The following XXYLT1 variants were observed in gnomAD, a reference collection of about 807,000 sequenced individuals.
XXYLT1 encodes the protein xyloside xylosyltransferase 1, also known as UDP-xylose:alpha-xyloside alpha-1,3-xylosyltransferase.
Under a neutral mutation model 28.9 loss-of-function variants are expected in XXYLT1, and 20 were observed. The observed-to-expected ratio is 0.69, with a 90% CI of 0.49 to 1.00. The LOEUF is 1.00. Ranked by LOEUF, XXYLT1 falls within the 50% of genes least tolerant of loss-of-function variation. The pLI is 0.00. For synonymous variants in XXYLT1, 257 were observed against 253.8 expected (o/e 1.01, Z -0.12); for missense variants, 542 against 560.1 (o/e 0.97, Z 0.33).
chr3:195,259,055 C>T (rs1725582724), intron 1 of XXYLT1, among the ~76,000 whole-genome samples: 1 of 152,250 alleles, frequency 6.6e-6, no homozygotes. Context: ...GTTGACCAAG[C>T]ACCTGCCATG....
At chr3:195,088,255 G>T (rs543857278) in intron 3 of XXYLT1, among the ~76,000 whole-genome samples, 151 of 150,102 alleles carry the variant, frequency 1.0e-3, no homozygotes, top group African/African-American at 1.4e-3. Flanking sequence ...CAAAAAGACA[G>T]CAGTAACCTC....
rs774797156 is a variant in XXYLT1 at position 195,270,936 on chromosome 3, G to A, written c.123C>T (p.Leu41=). 26 of 1,488,814 alleles carry A rather than the reference G, an allele frequency of 1.7e-5. No homozygotes were observed. In the African/African-American group the frequency reaches 1.9e-4, roughly 11 times the overall value. The allele number at this position is 1,488,814 out of a possible 1,614,324, so 92.2% of individuals were successfully genotyped here. ...AALAVCAFYY[L]GSGRETFSSA... is the part of the protein sequence containing the mutation. ...TGGAGAAGGTCTCCCGGCCTGAGCC[G>A]AGGTAGTAGAAGGCGCAGACGGCCA... Residue 41 remains leucine, a synonymous_variant, in exon 1 of 4, where the codon CTC becomes CTT. Transcript: ENST00000310380.
At chr3:195,249,984 C>A (rs917700802) in intron 1 of XXYLT1, among the ~76,000 whole-genome samples, 1 of 152,192 alleles carries the variant, frequency 6.6e-6, no homozygotes, top group Non-Finnish European at 1.5e-5. Context: ...AGGGTCTCCC[C>A]AGCATTCTAC....
At position 195,101,921 on chromosome 3, in the gene XXYLT1, A is replaced by G. The variant is rs539488099; in HGVS notation, c.786-31810T>C. Among the ~76,000 whole-genome samples the G allele has an allele frequency of 4.8e-5, 6 of 123,810 alleles. No homozygotes were observed. The South Asian group carries it at 1.9e-3, about 40-fold the overall frequency. The allele number at this position is 123,810 out of a possible 152,430, so 81.2% of individuals were successfully genotyped here. A position where few individuals can be genotyped will look rare whatever the true frequency, so the allele number is the denominator to read the frequency against. The stretch of plus-strand genomic sequence containing the variant: ...GAGGAACGGAGGAAAGGAGGAAAGG[A>G]GAAATGTAAGGAGGAAGGGAAGGGA... On this transcript the variant is annotated intron_variant, in intron 3 of 3. Coordinates refer to ENST00000310380, the MANE Select transcript of XXYLT1 (RefSeq NM_152531.5).
At chr3:195,107,130 A>C (rs1327282789) in intron 3 of XXYLT1, among the ~76,000 whole-genome samples, 2 of 77,854 alleles carry the variant, frequency 2.6e-5, no homozygotes, top group East Asian at 4.6e-4. Flanking sequence ...TTTCATTTAC[A>C]GCTTCACATT....
intron 2 of XXYLT1, among the ~76,000 whole-genome samples, chr3:195,189,728 A>G (rs1349069596): frequency 6.6e-6 from 1 of 152,232 alleles, no homozygotes; most frequent in Non-Finnish European, 1.5e-5. Context: ...ACATACCAAT[A>G]TACATGCAAT....
Position 195,270,861 on chromosome 3 carries a change from G to C in XXYLT1, c.198C>G (p.Pro66=), listed in dbSNP as rs1726003036. 1 of 1,406,748 alleles carries C rather than the reference G, an allele frequency of 7.1e-7. No homozygotes were observed. Among genetic ancestry groups the C allele is most frequent in the Non-Finnish European group, 9.2e-7 (1 of 1,085,776 alleles). 87.1% of individuals were successfully genotyped at this position (1,406,748 alleles called of 1,614,324 possible). A position where few individuals can be genotyped will look rare whatever the true frequency, so the allele number is the denominator to read the frequency against. Residue 66 remains proline, a synonymous_variant, in exon 1 of 4, where the codon CCC becomes CCG. Transcript: ENST00000310380. ...GCGCTAGCTCCAGCGCGGGCGGCGA[G>C]GGCGCGGCGGGAGCCCCGGCGCGGG... The part of the protein sequence containing the change: ...KEARAGAPAA[P]SPPALELARG...
chr3:195,085,624 G>T (rs1050874369), intron 3 of XXYLT1, among the ~76,000 whole-genome samples: 1 of 152,220 alleles, frequency 6.6e-6, no homozygotes, highest in Non-Finnish European at 1.5e-5. Flanking sequence ...GCGGGCCGCG[G>T]TGGGCAGCCG....
At chr3:195,197,561 A>G (rs1001102074) in intron 2 of XXYLT1, among the ~76,000 whole-genome samples, 2 of 152,222 alleles carry the variant, frequency 1.3e-5, no homozygotes, top group Non-Finnish European at 2.9e-5. Context: ...GGGAAATAAT[A>G]TTAAGAAACA....
intron 2 of XXYLT1, among the ~76,000 whole-genome samples, chr3:195,181,804 G>T (rs1721965821): frequency 6.6e-6 from 1 of 152,120 alleles, no homozygotes; most frequent in Non-Finnish European, 1.5e-5. Context: ...AAATAAGAGG[G>T]GAAGATGAAT....
intron 3 of XXYLT1, among the ~76,000 whole-genome samples, chr3:195,126,162 T>C (rs1718609686): frequency 6.6e-6 from 1 of 152,210 alleles, no homozygotes; most frequent in African/African-American, 2.4e-5. Context: ...AGTTGAGTTC[T>C]ACCCCTAACA....
At chr3:195,151,936 T>C (rs1720291907) in intron 3 of XXYLT1, among the ~76,000 whole-genome samples, 1 of 152,168 alleles carries the variant, frequency 6.6e-6, no homozygotes, top group African/African-American at 2.4e-5. Context: ...TGAGGGTCTC[T>C]CTCACAACAG....
chr3:195,084,410 G>A (rs1011614649), intron 3 of XXYLT1, among the ~76,000 whole-genome samples: 1 of 152,078 alleles, frequency 6.6e-6, no homozygotes, highest in African/African-American at 2.4e-5. Flanking sequence ...AACCTATAGA[G>A]ATCACCCAGG....
In XXYLT1 at chr3:195,195,632, C is replaced by T. The variant is rs1286596905; in HGVS notation, c.652+31077G>A. 6.6e-6 allele frequency among the ~76,000 whole-genome samples: 1 copy of T among 152,190 alleles called. No individual in the cohort carries two copies. Among genetic ancestry groups the T allele is most frequent in the Non-Finnish European group, 1.5e-5 (1 of 68,026 alleles). On this transcript the variant is annotated intron_variant, in intron 2 of 3. Coordinates refer to ENST00000310380, the MANE Select transcript of XXYLT1 (RefSeq NM_152531.5). The surrounding 1 kb of genome is among the most constrained non-coding windows in gnomAD (Gnocchi z 4.4). ...GATTCATGAATGAAAAGCTTTTGTG[C>T]CCTGGTCCCTTCACTCTGGCAGTTC... is the stretch of plus-strand genomic sequence containing the variant.
At chr3:195,269,308 T>C (rs1725942271) in intron 1 of XXYLT1, among the ~76,000 whole-genome samples, 1 of 152,166 alleles carries the variant, frequency 6.6e-6, no homozygotes, top group South Asian at 2.1e-4. Flanking sequence ...TTAGGGTCAT[T>C]AGGATCACCT....
At position 195,180,397 on chromosome 3, in the gene XXYLT1, C is replaced by T. The variant is rs975026545; in HGVS notation, c.653-23816G>A. 2 of 985,610 alleles carry T rather than the reference C, an allele frequency of 2.0e-6. No homozygotes were observed. Among genetic ancestry groups the T allele is most frequent in the East Asian group, 1.1e-4 (1 of 8,810 alleles). The allele number at this position is 985,610 out of a possible 1,614,324, so 61.1% of individuals were successfully genotyped here. ...CCTGGCCCTCAAGACACACTTCCTT[C>T]GGCTGCAGCCTCGCCGATTCCCGAG... On this transcript the variant is annotated intron_variant, in intron 2 of 3. Transcript: ENST00000310380. This position sits in a 1 kb window ranked among gnomAD's most constrained non-coding sequence, Gnocchi z 5.8.
intron 2 of XXYLT1, chr3:195,214,967 G>C (rs1160111943): frequency 6.6e-6 from 1 of 151,714 alleles, no homozygotes; most frequent in Admixed American, 6.6e-5. Context: ...ACTAACAGCG[G>C]ATCTCTCGGC....
chr3:195,185,688 A>G (rs1288030229), intron 2 of XXYLT1, among the ~76,000 whole-genome samples: 2 of 152,002 alleles, frequency 1.3e-5, no homozygotes, highest in South Asian at 2.1e-4. Context: ...GAGCAGGTCG[A>G]CACACCCTCT....
intron 2 of XXYLT1, among the ~76,000 whole-genome samples, chr3:195,204,549 C>G (rs1722994400): frequency 6.6e-6 from 1 of 151,782 alleles, no homozygotes; most frequent in African/African-American, 2.4e-5. Flanking sequence ...GCCAGCCAGC[C>G]AGCCAGGTCA....
Sources: gnomAD v4.1 joint callset for allele counts (sites outside exome capture counted in the v4.1 genomes callset) on GRCh38, gnomAD v4.1.1 for gene constraint, Gnocchi (gnomAD v3.1) non-coding constraint, MANE v1.5 for transcripts, NCBI Gene and HGNC (gene_info 2026-07-23, HGNC 2026-07-21) for gene names.